The following XKR9 variants were observed in gnomAD, a reference collection of about 807,000 sequenced individuals.
XKR9 encodes the protein XK-related protein 9.
XKR9 carries 32 observed loss-of-function variants against 32.0 expected under a neutral mutation model. The observed-to-expected ratio is 1.00, with a 90% confidence interval of 0.76 to 1.34. The LOEUF (loss-of-function observed/expected upper bound fraction) is 1.34, where lower values mean the gene tolerates loss of function less well. Among genes scored for constraint, XKR9 ranks in the 40% most tolerant of loss-of-function variants. The pLI, the probability that XKR9 is intolerant of heterozygous loss-of-function variation, is 0.00. For synonymous variants in XKR9, 168 were observed against 143.4 expected, an observed-to-expected ratio of 1.17 and a Z score of -1.22; for missense variants, 546 against 429.7, an observed-to-expected ratio of 1.27 and a Z score of -2.39.
intron 3 of XKR9, among the ~76,000 whole-genome samples, chr8:70,686,507 G>A (rs922560090): frequency 1.3e-5 from 2 of 151,764 alleles, no homozygotes; most frequent in Admixed American, 6.6e-5. Flanking sequence ...GCAGTGGCCC[G>A]ATATTGGCTC....
intron 2 of XKR9, among the ~76,000 whole-genome samples, chr8:70,747,304 C>T (rs1266869258): frequency 1.3e-5 from 2 of 152,130 alleles, no homozygotes; most frequent in African/African-American, 4.8e-5. Flanking sequence ...AATGGTAATT[C>T]TGCTTTTAGT....
the XKR9 span, among the ~76,000 whole-genome samples, chr8:70,897,590 A>T: frequency 1.3e-5 from 2 of 152,204 alleles, no homozygotes; most frequent in East Asian, 3.9e-4. Flanking sequence ...CTGGGATGAG[A>T]TGATATTGTA....
downstream of XKR9, among the ~76,000 whole-genome samples, chr8:70,793,094 T>C (rs75284914): frequency 2.1e-3 from 316 of 152,210 alleles, 3 homozygotes; most frequent in East Asian, 0.018. Context: ...CCATTTTGAC[T>C]TCAGTGTTGT....
At chr8:70,782,999 G>A (rs1337689048) in intron 2 of XKR9, among the ~76,000 whole-genome samples, 1 of 152,092 alleles carries the variant, frequency 6.6e-6, no homozygotes, top group Non-Finnish European at 1.5e-5. Context: ...AAACCATACA[G>A]TTTTCCTTAA....
chr8:70,844,098 C>A, the XKR9 span, among the ~76,000 whole-genome samples: 1 of 152,208 alleles, frequency 6.6e-6, no homozygotes, highest in Non-Finnish European at 1.5e-5. Flanking sequence ...ACAAAGAGAG[C>A]TACAACATGC....
At chr8:70,961,147 A>G in the XKR9 span, among the ~76,000 whole-genome samples, 6 of 152,302 alleles carry the variant, frequency 3.9e-5, no homozygotes, top group African/African-American at 1.2e-4. Flanking sequence ...TCCAGGCTGG[A>G]CAACAGAACA....
chr8:70,860,131 C>G, the XKR9 span, among the ~76,000 whole-genome samples: 1 of 152,092 alleles, frequency 6.6e-6, no homozygotes, highest in Non-Finnish European at 1.5e-5. Context: ...ATATCAATAA[C>G]AAAATTACCC....
At position 70,734,365 on chromosome 8, in the gene XKR9, G is replaced by A; in HGVS notation, c.1063G>A (p.Glu355Lys). 6.2e-7 allele frequency: 1 copy of A among 1,609,880 alleles called. No homozygotes were observed. Among genetic ancestry groups the A allele is most frequent in the Non-Finnish European group, 8.5e-7 (1 of 1,179,272 alleles). Residue 355 changes from glutamate to lysine, a missense_variant, in exon 5 of 5, where the codon GAA (glutamate) becomes AAA (lysine). Transcript: ENST00000408926. ...CAGAAGTGCAGAAACAAAATGTGAT[G>A]AAATTGATGGAAAACCAGTTCTAAG... ...PNRSAETKCDEIDGKPVLREC... is the reference protein window; with the variant it reads ...PNRSAETKCDKIDGKPVLREC...
chr8:70,801,114 T>C, the XKR9 span, among the ~76,000 whole-genome samples: 2 of 152,070 alleles, frequency 1.3e-5, no homozygotes, highest in African/African-American at 4.8e-5. Flanking sequence ...TTATTTATGC[T>C]CTTTCAAGGA....
chr8:70,674,141 C>T (rs1163816048), intron 1 of XKR9, among the ~76,000 whole-genome samples: 1 of 151,900 alleles, frequency 6.6e-6, no homozygotes, highest in Non-Finnish European at 1.5e-5. Context: ...TGCACTCCAG[C>T]CTGAGTGATG....
chr8:70,935,176 TG>T, the XKR9 span, among the ~76,000 whole-genome samples: 1 of 116,108 alleles, frequency 8.6e-6, no homozygotes, highest in African/African-American at 3.2e-5. Context: ...TATACACATA[TG>T]TATATACATA....
At chr8:70,813,166 C>A in the XKR9 span, among the ~76,000 whole-genome samples, 7 of 152,066 alleles carry the variant, frequency 4.6e-5, no homozygotes, top group East Asian at 1.9e-4. Flanking sequence ...GATCTTTGAC[C>A]AACTTGACAA....
chr8:70,721,323 T>C (rs1586855488), intron 4 of XKR9, among the ~76,000 whole-genome samples: 3 of 152,300 alleles, frequency 2.0e-5, no homozygotes, highest in African/African-American at 7.2e-5. Flanking sequence ...CTGAGCTTAG[T>C]TATTTCTTGT....
chr8:70,883,606 T>G, the XKR9 span, among the ~76,000 whole-genome samples: 968 of 152,274 alleles, frequency 6.4e-3, 11 homozygotes, highest in African/African-American at 0.021. Flanking sequence ...GGTTGGTCTT[T>G]GAAAAATATC....
the XKR9 span, among the ~76,000 whole-genome samples, chr8:70,852,757 T>C: frequency 1.3e-5 from 2 of 152,076 alleles, no homozygotes; most frequent in Non-Finnish European, 2.9e-5. Flanking sequence ...AACAGAAAAC[T>C]AAACATCTCA....
At chr8:70,871,869 T>C in the XKR9 span, among the ~76,000 whole-genome samples, 18 of 152,216 alleles carry the variant, frequency 1.2e-4, no homozygotes, top group African/African-American at 4.1e-4. Context: ...ATTAGCCAAA[T>C]TGTGAATGCA....
At chr8:70,771,015 G>T (rs1392534877) in intron 2 of XKR9, among the ~76,000 whole-genome samples, 2 of 152,140 alleles carry the variant, frequency 1.3e-5, no homozygotes, top group African/African-American at 4.8e-5. Context: ...GCCCAGTTTT[G>T]TGCTTGAAAC....
intron 4 of XKR9, among the ~76,000 whole-genome samples, chr8:70,707,963 A>G (rs905856639): frequency 6.6e-6 from 1 of 151,940 alleles, no homozygotes; most frequent in Non-Finnish European, 1.5e-5. Context: ...TTAGTTTCGG[A>G]TTTATTTCAG....
At chr8:70,929,436 C>T in the XKR9 span, among the ~76,000 whole-genome samples, 1 of 152,152 alleles carries the variant, frequency 6.6e-6, no homozygotes, top group Admixed American at 6.5e-5. Context: ...TATGCAATAC[C>T]TATTTAATTA....
Sources: allele counts gnomAD v4.1 joint callset (sites outside exome capture counted in the v4.1 genomes callset), GRCh38; gene constraint gnomAD v4.1.1; transcripts MANE v1.5; gene names NCBI Gene and HGNC (gene_info 2026-07-23, HGNC 2026-07-21).